Variants in IRS2 observed in about 807,000 individuals in gnomAD.
IRS2 encodes insulin receptor substrate 2.
In IRS2, 28 loss-of-function variants were observed where a neutral mutation model predicts 70.9. That is an observed-to-expected ratio of 0.39 (90% CI 0.29 to 0.54). IRS2 has a LOEUF of 0.54. Ranked by LOEUF, IRS2 falls within the 20% of genes least tolerant of loss-of-function variation. The pLI, the probability that IRS2 is intolerant of heterozygous loss-of-function variation, is 0.59. For synonymous variants in IRS2, 1,217 were observed against 981.9 expected, an observed-to-expected ratio of 1.24 and a Z score of -4.48; for missense variants, 2,081 against 2,024.1, an observed-to-expected ratio of 1.03 and a Z score of -0.54.
In IRS2 at chr13:109,782,323, G is replaced by A; in HGVS notation, c.3731C>T (p.Ser1244Phe). ...GTTGAGACCATTCTGGAAGCCGGCA[G>A]AGGTCTCTCTGCGCATGGGCGATCC... The part of the protein sequence containing the change: ...SGGSPMRRET[S>F]AGFQNGLNYI... The change falls in exon 1 of 2, where the codon TCT (serine) becomes TTT (phenylalanine). Residue 1244 changes from serine (S) to phenylalanine (F), a missense_variant. Transcript: ENST00000375856. 1 of 1,611,728 alleles carries A rather than the reference G, an allele frequency of 6.2e-7. No homozygotes were observed. The highest frequency in any genetic ancestry group is 8.5e-7 in the Non-Finnish European group (1 of 1,179,452).
In IRS2 at chr13:109,785,033, G is replaced by C; in HGVS notation, c.1021C>G (p.Arg341Gly). 1.3e-6 allele frequency: 2 copies of C among 1,507,522 alleles called. No individual in the cohort carries two copies. The highest frequency in any genetic ancestry group is 1.8e-6 in the Non-Finnish European group (2 of 1,128,642). 93.4% of individuals were successfully genotyped at this position (1,507,522 alleles called of 1,614,324 possible). ...LPPSQTGLVR[R>G]SRTDSLAATP... Reference sequence around the variant, plus strand: ...GCGGCCAGGCTGTCGGTGCGCGAGCGGCGCACCAGGCCCGTCTGGCTGGGG... The same window carrying C: ...GCGGCCAGGCTGTCGGTGCGCGAGCCGCGCACCAGGCCCGTCTGGCTGGGG... Residue 341 changes from arginine to glycine, a missense_variant, in exon 1 of 2, where the codon CGC (arginine) becomes GGC (glycine). Around this residue, in one of 4 missense-constraint regions of IRS2, gnomAD observed 111 missense variants for 133.1 expected, o/e 0.83. Transcript: ENST00000375856. This position sits in a 1 kb window ranked among gnomAD's most constrained non-coding sequence, Gnocchi z 9.3.
intron 1 of IRS2, among the ~76,000 whole-genome samples, chr13:109,767,836 G>T (rs535483753): frequency 6.7e-6 from 1 of 149,996 alleles, no homozygotes; most frequent in Non-Finnish European, 1.5e-5. Context: ...GGGTTCCAGC[G>T]ATTCTCCTGC....
chr13:109,779,279 G>A (rs4771648), intron 1 of IRS2, among the ~76,000 whole-genome samples: 41,362 of 152,130 alleles, frequency 0.27, 6,764 homozygotes, highest in East Asian at 0.45. Flanking sequence ...GTCTTCCCAT[G>A]CAGAACAGGA....
chr13:109,764,518 C>G (rs1877294041), intron 1 of IRS2, among the ~76,000 whole-genome samples: 1 of 152,212 alleles, frequency 6.6e-6, no homozygotes, highest in African/African-American at 2.4e-5. Flanking sequence ...TAAAGAAGCA[C>G]ATGCTACTAG....
At chr13:109,766,720 G>A (rs9559643) in intron 1 of IRS2, among the ~76,000 whole-genome samples, 187 of 18,320 alleles carry the variant, frequency 0.01, no homozygotes, top group Non-Finnish European at 0.026. Flanking sequence ...CCCTGGCTCC[G>A]ACTCCCCACC....
In IRS2 at chr13:109,784,959, G is replaced by A; in HGVS notation, c.1095C>T (p.Ser365=). Residue 365 remains serine (S), a synonymous_variant, in exon 1 of 2, where the codon AGC becomes AGT. Coordinates refer to ENST00000375856, the MANE Select transcript of IRS2 (RefSeq NM_003749.3). This position sits in a 1 kb window ranked among gnomAD's most constrained non-coding sequence, Gnocchi z 5.2. ...KCSSCRVRTA[S]EGDGGAAAGA... ...CCGCCGCCGCGCCGCCGTCGCCCTC[G>A]CTGGCGGTGCGCACCCGGCACGAGC... 1.7e-6 allele frequency: 2 copies of A among 1,195,184 alleles called. No homozygotes were observed. Among genetic ancestry groups the A allele is most frequent in the Non-Finnish European group, 2.1e-6 (2 of 965,248 alleles). The allele number at this position is 1,195,184 out of a possible 1,614,324, so 74.0% of individuals were successfully genotyped here. A position where few individuals can be genotyped will look rare whatever the true frequency, so the allele number is the denominator to read the frequency against.
At chr13:109,774,265 G>T (rs971055114) in intron 1 of IRS2, among the ~76,000 whole-genome samples, 1 of 152,152 alleles carries the variant, frequency 6.6e-6, no homozygotes, top group African/African-American at 2.4e-5. Context: ...GGTCCAGGAA[G>T]CATGACTGGA....
At position 109,782,456 on chromosome 13, in the gene IRS2, G is replaced by A. The variant is rs2138929765; in HGVS notation, c.3598C>T (p.Pro1200Ser). 6.4e-7 allele frequency: 1 copy of A among 1,570,252 alleles called. No homozygotes were observed. The highest frequency in any genetic ancestry group is 8.6e-7 in the Non-Finnish European group (1 of 1,157,994). Reference sequence around the variant, plus strand: ...TGCAACTGTCGTGGGGAGGTGGGCGGCTCGTCGCCCCCTCCAGGGCCGACA... The same window carrying A: ...TGCAACTGTCGTGGGGAGGTGGGCGACTCGTCGCCCCCTCCAGGGCCGACA... ...VGVGPGGGDEPPTSPRQLQPA... is the reference protein window; with the variant it reads ...VGVGPGGGDESPTSPRQLQPA... The change falls in exon 1 of 2, where the codon CCG becomes TCG. Residue 1200 changes from proline (P) to serine (S), a missense_variant. Transcript: ENST00000375856.
Position 109,783,080 on chromosome 13 carries a change from C to T in IRS2, c.2974G>A (p.Gly992Ser), listed in dbSNP as rs1877772293. Residue 992 changes from glycine to serine, a missense_variant, in exon 1 of 2, where the codon GGC (glycine) becomes AGC (serine). Gly to Ser is a moderately conservative substitution (Grantham distance 56, BLOSUM62 0). This residue lies in a region of IRS2 where 1,615 missense variants were observed against 1,459.5 expected (regional missense o/e 1.11). Transcript: ENST00000375856. ...DFSSPKSPKP[G>S]APSGHPVGSL... The stretch of plus-strand genomic sequence containing the variant: ...CCCACGGGGTGGCCGCTCGGGGCGC[C>T]CGGCTTAGGAGACTTGGGGGAGCTG... 2.2e-6 allele frequency: 3 copies of T among 1,382,612 alleles called. No homozygotes were observed. The South Asian group carries it at 5.1e-5, about 24-fold the overall frequency. 85.6% of individuals were successfully genotyped at this position (1,382,612 alleles called of 1,614,324 possible). A position where few individuals can be genotyped will look rare whatever the true frequency, so the allele number is the denominator to read the frequency against.
chr13:109,775,195 T>C (rs1877547043), intron 1 of IRS2, among the ~76,000 whole-genome samples: 1 of 149,466 alleles, frequency 6.7e-6, no homozygotes. Context: ...CTCAGCTCAC[T>C]GCAACCTCTG....
At chr13:109,756,760 A>T (rs1163233378) in intron 1 of IRS2, among the ~76,000 whole-genome samples, 4 of 152,192 alleles carry the variant, frequency 2.6e-5, no homozygotes, top group African/African-American at 9.6e-5. Flanking sequence ...ATGAAAAACT[A>T]TGACACACAT....
chr13:109,777,520 T>C (rs916108192), intron 1 of IRS2, among the ~76,000 whole-genome samples: 3 of 152,094 alleles, frequency 2.0e-5, no homozygotes, highest in African/African-American at 4.8e-5. Flanking sequence ...AACAAAAGAA[T>C]CACGCATTTT....
rs1395742371 is a variant in IRS2 at position 109,783,685 on chromosome 13, G to C, written c.2369C>G (p.Pro790Arg). The change falls in exon 1 of 2, where the codon CCC (proline) becomes CGC (arginine). Residue 790 changes from proline to arginine, a missense_variant. Transcript: ENST00000375856. The part of the protein sequence containing the change: ...PPDFFSAALH[P>R]GGEPLRGVPG... ...AACGCCCCTGAGCGGCTCCCCGCCGGGGTGCAGGGCTGCGGAGAAGAAGTC... is the reference window on the plus strand; with the variant it reads ...AACGCCCCTGAGCGGCTCCCCGCCGCGGTGCAGGGCTGCGGAGAAGAAGTC... 6.4e-7 allele frequency: 1 copy of C among 1,561,010 alleles called. No homozygotes were observed. The highest frequency in any genetic ancestry group is 8.7e-7 in the Non-Finnish European group (1 of 1,152,640).
Position 109,782,630 on chromosome 13 carries a change from C to T in IRS2, c.3424G>A (p.Gly1142Arg), listed in dbSNP as rs764380886. ...TCGGAACTGTGGCGGCGGCGGCCCC[C>T]CTGCGGGTCTGCGCGGATGACCTTG... is the stretch of plus-strand genomic sequence containing the variant. ...GAKVIRADPQ[G>R]GRRRHSSETF... The change falls in exon 1 of 2, where the codon GGG becomes AGG. Residue 1142 changes from glycine (G) to arginine (R), a missense_variant. Transcript: ENST00000375856. 6.4e-7 allele frequency: 1 copy of T among 1,573,116 alleles called. No homozygotes were observed. The highest frequency in any genetic ancestry group is 1.2e-5 in the South Asian group (1 of 86,244).
chr13:109,773,679 C>A (rs1877508945), intron 1 of IRS2, among the ~76,000 whole-genome samples: 1 of 152,180 alleles, frequency 6.6e-6, no homozygotes, highest in Non-Finnish European at 1.5e-5. Flanking sequence ...TCATGAACAG[C>A]CATATTTCTC....
rs544829623 is a variant in IRS2 at position 109,752,926 on chromosome 13, T to A, written c.*3378A>T. The A allele has an allele frequency of 6.6e-6, 1 of 152,138 alleles. No individual in the cohort carries two copies. The highest frequency in any genetic ancestry group is 1.5e-5 in the Non-Finnish European group (1 of 68,134). 9.4% of individuals were successfully genotyped at this position (152,138 alleles called of 1,614,324 possible). A position where few individuals can be genotyped will look rare whatever the true frequency, so the allele number is the denominator to read the frequency against. On this transcript the variant is annotated 3_prime_UTR_variant, in exon 2 of 2. Coordinates refer to ENST00000375856, the MANE Select transcript of IRS2 (RefSeq NM_003749.3). ...TGATGTATGCATCGGTATGTCTTCTTCTGTGTTTGTGTCATGGAGGCAGCA... is the reference window on the plus strand; with the variant it reads ...TGATGTATGCATCGGTATGTCTTCTACTGTGTTTGTGTCATGGAGGCAGCA...
chr13:109,782,101 T>A lies in IRS2; in HGVS notation c.3953A>T (p.Asn1318Ile). Residue 1318 changes from asparagine to isoleucine, a missense_variant, in exon 1 of 2, where the codon AAC becomes ATC. Transcript: ENST00000375856. ...GPGPGALPPA[N>I]TYASIDFLSH... ...CAAGAAGTCAATGCTGGCGTAGGTGTTGGCAGGGGGCAGGGCACCGGGACC... is the reference window on the plus strand; with the variant it reads ...CAAGAAGTCAATGCTGGCGTAGGTGATGGCAGGGGGCAGGGCACCGGGACC... 6.2e-7 allele frequency: 1 copy of A among 1,612,200 alleles called. No homozygotes were observed. The highest frequency in any genetic ancestry group is 8.5e-7 in the Non-Finnish European group (1 of 1,179,726).
At chr13:109,757,140 T>C (rs887413762) in intron 1 of IRS2, among the ~76,000 whole-genome samples, 2 of 152,180 alleles carry the variant, frequency 1.3e-5, no homozygotes, top group African/African-American at 2.4e-5. Flanking sequence ...TAGGCCTATT[T>C]TTACTTGATA....
chr13:109,782,473 G>A lies in IRS2; in HGVS notation c.3581C>T (p.Pro1194Leu). The A allele has an allele frequency of 6.4e-7, 1 of 1,561,958 alleles. No homozygotes were observed. Among genetic ancestry groups the A allele is most frequent in the Non-Finnish European group, 8.7e-7 (1 of 1,153,838 alleles). ...GGTGGGCGGCTCGTCGCCCCCTCCA[G>A]GGCCGACACCCACGCCGCCCTCGCT... Reference protein sequence around the residue: ...KSSEGGVGVGPGGGDEPPTSP... With the variant: ...KSSEGGVGVGLGGGDEPPTSP... The change falls in exon 1 of 2, where the codon CCT (proline) becomes CTT (leucine). Residue 1194 changes from proline to leucine, a missense_variant. By Grantham distance (98) the Pro-to-Leu change is moderately conservative. This residue lies in a region of IRS2 where 1,615 missense variants were observed against 1,459.5 expected (regional missense o/e 1.11). Transcript: ENST00000375856.
Sources: gnomAD v4.1 joint callset for allele counts (sites outside exome capture counted in the v4.1 genomes callset) on GRCh38, gnomAD v4.1.1 for gene constraint, gnomAD v4.1.1 regional missense constraint, Gnocchi (gnomAD v3.1) non-coding constraint, MANE v1.5 for transcripts, NCBI Gene and HGNC (gene_info 2026-07-23, HGNC 2026-07-21) for gene names.